The following ZNF407 variants were observed in gnomAD, a reference collection of about 807,000 sequenced individuals.
The protein encoded by ZNF407 is zinc finger protein 407.
In ZNF407, 17 loss-of-function variants were observed where a neutral mutation model predicts 131.2. The observed-to-expected ratio is 0.13, with a 90% CI of 0.09 to 0.19. ZNF407 has a LOEUF of 0.19. ZNF407 is among the 10% of genes least tolerant of loss of function. The probability of loss-of-function intolerance (pLI) is 1.00; values close to 1 mark genes in which losing one functional copy is unlikely to be tolerated. For synonymous variants in ZNF407, 1,156 were observed against 1,062.0 expected, an observed-to-expected ratio of 1.09 and a Z score of -1.72; for missense variants, 2,681 against 2,830.6, an observed-to-expected ratio of 0.95 and a Z score of 1.20.
intron 4 of ZNF407, among the ~76,000 whole-genome samples, chr18:74,806,179 G>A (rs1045492252): frequency 6.6e-6 from 1 of 152,226 alleles, no homozygotes; most frequent in Non-Finnish European, 1.5e-5. Flanking sequence ...ATGGCGCAGG[G>A]CCTGCTGTGA....
chr18:75,024,208 A>T (rs1382428885), intron 8 of ZNF407, among the ~76,000 whole-genome samples: 1 of 152,192 alleles, frequency 6.6e-6, no homozygotes, highest in Non-Finnish European at 1.5e-5. Flanking sequence ...AGAGCCTAAA[A>T]CTGGTGTGCT....
chr18:74,828,125 T>C (rs1175654908), intron 4 of ZNF407, among the ~76,000 whole-genome samples: 1 of 152,198 alleles, frequency 6.6e-6, no homozygotes, highest in Non-Finnish European at 1.5e-5. Context: ...CTTCGCGGCC[T>C]GTTCAGGTTG....
chr18:74,832,628 G>C (rs1296710448), intron 4 of ZNF407, among the ~76,000 whole-genome samples: 1 of 151,962 alleles, frequency 6.6e-6, no homozygotes, highest in Non-Finnish European at 1.5e-5. Context: ...TGATATCATT[G>C]AAGATGCAGT....
chr18:74,705,758 A>C (rs904930831), intron 3 of ZNF407, among the ~76,000 whole-genome samples: 1 of 152,216 alleles, frequency 6.6e-6, no homozygotes, highest in African/African-American at 2.4e-5. Context: ...ATTTTTGACA[A>C]TATGAAAATT....
chr18:74,598,145 G>T (rs985939384), intron 1 of ZNF407: 2 of 123,450 alleles, frequency 1.6e-5, no homozygotes, highest in East Asian at 2.7e-4. Flanking sequence ...CCAGACTCAC[G>T]CCCGGACACA....
At chr18:74,977,815 A>G (rs1053302892) in intron 8 of ZNF407, among the ~76,000 whole-genome samples, 1 of 152,234 alleles carries the variant, frequency 6.6e-6, no homozygotes, top group Admixed American at 6.5e-5. Flanking sequence ...TTTGCCGACT[A>G]CTTCTGGATC....
intron 4 of ZNF407, among the ~76,000 whole-genome samples, chr18:74,831,816 A>G (rs62089885): frequency 0.55 from 83,587 of 151,614 alleles, 24,762 homozygotes; most frequent in Non-Finnish European, 0.66. Context: ...TGCCACTCCC[A>G]CCCCTGCTGT....
rs11340257 is a variant in ZNF407 at position 74,763,705 on chromosome 18, A to ATTTTTTTTTTTTTTTTTTTTT, written c.4803-17721_4803-17701dup. Among the ~76,000 whole-genome samples, 4 of 70,212 alleles carry ATTTTTTTTTTTTTTTTTTTTT rather than the reference A, an allele frequency of 5.7e-5. 1 individual carries two copies. The highest frequency in any genetic ancestry group is 1.0e-4 in the African/African-American group (2 of 19,170). The allele number at this position is 70,212 out of a possible 152,430, so 46.1% of individuals were successfully genotyped here. ...AAATCTGTTGTCATTCTTATCTTTG[A>ATTTTTTTTTTTTTTTTTTTTT]TTTTTTTTTTTTTTTTTTTTTTGAG... On this transcript the variant is annotated intron_variant, in intron 3 of 8. Coordinates refer to ENST00000299687, the MANE Select transcript of ZNF407 (RefSeq NM_017757.3).
intron 4 of ZNF407, among the ~76,000 whole-genome samples, chr18:74,863,373 A>G (rs972487644): frequency 1.3e-5 from 2 of 151,914 alleles, no homozygotes; most frequent in Non-Finnish European, 2.9e-5. Context: ...AGAATATTAG[A>G]AATTTGGGGA....
In ZNF407 at chr18:74,679,077, A is replaced by G. The variant is rs28375041; in HGVS notation, c.4802+37955A>G. Reference sequence around the variant, plus strand: ...TAATCTGTGTGGGGACTCAGCGGTTAAAAAAACCATACCCTCTTTTATTGT... The same window carrying G: ...TAATCTGTGTGGGGACTCAGCGGTTGAAAAAACCATACCCTCTTTTATTGT... On this transcript the variant is annotated intron_variant, in intron 3 of 8. Coordinates refer to ENST00000299687, the MANE Select transcript of ZNF407 (RefSeq NM_017757.3). Among the ~76,000 whole-genome samples the G allele has an allele frequency of 5.4e-3, 828 of 152,202 alleles. 9 individuals carry two copies. Among genetic ancestry groups the G allele is most frequent in the African/African-American group, 0.019 (777 of 41,530 alleles).
intron 4 of ZNF407, among the ~76,000 whole-genome samples, chr18:74,809,552 A>G (rs191938842): frequency 1.3e-5 from 2 of 152,304 alleles, no homozygotes; most frequent in East Asian, 3.9e-4. Context: ...ATGATGGGCA[A>G]GAAGAATGCC....
chr18:75,035,181 C>T (rs774089909), intron 8 of ZNF407, among the ~76,000 whole-genome samples: 91 of 152,336 alleles, frequency 6.0e-4, no homozygotes, highest in Admixed American at 1.0e-3. Flanking sequence ...ATGTGTTTTG[C>T]ATCTTCCCAT....
intron 1 of ZNF407, among the ~76,000 whole-genome samples, chr18:74,623,169 C>T (rs1030174306): frequency 8.9e-5 from 12 of 134,798 alleles, no homozygotes; most frequent in Admixed American, 1.5e-4. Flanking sequence ...TGTGTGTGTA[C>T]GTGTGAATGT....
At chr18:74,707,187 G>A (rs1967646735) in intron 3 of ZNF407, among the ~76,000 whole-genome samples, 1 of 152,164 alleles carries the variant, frequency 6.6e-6, no homozygotes, top group Non-Finnish European at 1.5e-5. Flanking sequence ...TGGACTTCAA[G>A]TGATCCGCCC....
chr18:74,715,306 T>C (rs118121046), intron 3 of ZNF407, among the ~76,000 whole-genome samples: 3 of 152,358 alleles, frequency 2.0e-5, no homozygotes, highest in East Asian at 1.9e-4. Flanking sequence ...ACTATCCAAA[T>C]GTGCGTATTT....
At chr18:74,666,014 G>A (rs980319824) in intron 3 of ZNF407, among the ~76,000 whole-genome samples, 1 of 152,198 alleles carries the variant, frequency 6.6e-6, no homozygotes, top group Non-Finnish European at 1.5e-5. Flanking sequence ...GAGCCCTAGT[G>A]GTGACCTGGC....
At position 74,781,045 on chromosome 18, in the gene ZNF407, A is replaced by T. The variant is rs559188230; in HGVS notation, c.4803-383A>T. The stretch of plus-strand genomic sequence containing the variant: ...CTCTTTTACGGTCCTTTAAATATTT[A>T]ATAAAATGACATTTTCTCAAACTCA... On this transcript the variant is annotated intron_variant, in intron 3 of 8. Coordinates refer to ENST00000299687, the MANE Select transcript of ZNF407 (RefSeq NM_017757.3). Among the ~76,000 whole-genome samples the T allele has an allele frequency of 6.9e-4, 105 of 152,264 alleles. 1 individual carries two copies. The highest frequency in any genetic ancestry group is 2.4e-3 in the African/African-American group (100 of 41,568).
At position 74,956,005 on chromosome 18, in the gene ZNF407, T is replaced by C. The variant is rs1972271231; in HGVS notation, c.5428+35313T>C. Among the ~76,000 whole-genome samples, 3 of 152,214 alleles carry C rather than the reference T, an allele frequency of 2.0e-5. No individual in the cohort carries two copies. The South Asian group carries it at 6.2e-4, about 32-fold the overall frequency. On this transcript the variant is annotated intron_variant, in intron 8 of 8. Transcript: ENST00000299687. ...GGTTGAGCCAAAATATTCTTCCTTG[T>C]AACTTGCCTTGTTTCTGGTTCTTTT...
chr18:74,789,535 G>C (rs2145046752), intron 4 of ZNF407, among the ~76,000 whole-genome samples: 1 of 152,236 alleles, frequency 6.6e-6, no homozygotes, highest in East Asian at 1.9e-4. Context: ...AGCTGAACAG[G>C]CTGTGGCTGC....
Sources: gnomAD v4.1 joint callset for allele counts (sites outside exome capture counted in the v4.1 genomes callset) on GRCh38, gnomAD v4.1.1 for gene constraint, MANE v1.5 for transcripts, NCBI Gene and HGNC (gene_info 2026-07-23, HGNC 2026-07-21) for gene names.